Variants in TRIM13 observed in about 807,000 individuals in gnomAD.
TRIM13 encodes the protein E3 ubiquitin-protein ligase TRIM13.
A neutral mutation model predicts 27.1 loss-of-function variants in TRIM13; 15 were observed. The ratio of observed to expected loss-of-function variants is 0.55; its 90% confidence interval spans 0.37 to 0.85. The LOEUF is 0.85. TRIM13 is among the 40% of genes least tolerant of loss of function. The probability of loss-of-function intolerance (pLI) is 0.00; values close to 1 mark genes in which losing one functional copy is unlikely to be tolerated. For missense variants in TRIM13, 402 were observed against 472.2 expected, an observed-to-expected ratio of 0.85 and a Z score of 1.38; for synonymous variants, 193 against 171.5, an observed-to-expected ratio of 1.13 and a Z score of -0.98.
rs1481851477 is a variant in TRIM13, at chr13:50,012,764, G to C, written c.824G>C (p.Ser275Thr). 1 of 1,614,052 alleles carries C rather than the reference G, an allele frequency of 6.2e-7. No homozygotes were observed. Among genetic ancestry groups the C allele is most frequent in the South Asian group, 1.1e-5 (1 of 91,080 alleles). ...TPLPPSNLPA[S>T]PLMKNFDTSQ... ...TTACCTCCCTCTAATTTGCCTGCAA[G>C]CCCTTTAATGAAGAACTTTGATACC... Residue 275 changes from serine (S) to threonine (T), a missense_variant, in exon 2 of 2, where the codon AGC (serine) becomes ACC (threonine). Coordinates refer to ENST00000378182, the MANE Select transcript of TRIM13 (RefSeq NM_213590.3).
At chr13:50,008,852 C>CA (rs202100070) in intron 1 of TRIM13, among the ~76,000 whole-genome samples, 1,768 of 145,314 alleles carry the variant, frequency 0.012, 26 homozygotes, top group African/African-American at 0.042. Context: ...CTCATCTCTA[C>CA]AAAAAAAAAC....
chr13:50,004,038 T>C (rs938580721), intron 1 of TRIM13, among the ~76,000 whole-genome samples: 1 of 152,242 alleles, frequency 6.6e-6, no homozygotes, highest in South Asian at 2.1e-4. Flanking sequence ...TTCAGAAATA[T>C]TCAAAGGAAG....
At position 50,015,072 on chromosome 13, in the gene TRIM13, TAATA is replaced by T. The variant is rs1566446117; in HGVS notation, c.*1911_*1914del. The T allele has an allele frequency of 2.3e-5, 1 of 42,764 alleles. No individual in the cohort carries two copies. The highest frequency in any genetic ancestry group is 5.3e-5 in the Non-Finnish European group (1 of 19,024). The allele number at this position is 42,764 out of a possible 1,614,324, so 2.6% of individuals were successfully genotyped here. On this transcript the variant is annotated 3_prime_UTR_variant, in exon 2 of 2. Transcript: ENST00000378182. Reference sequence around the variant, plus strand: ...AGGGAGAATGCTTTTCCCCTCCCAGTAATAAAAAAAAAAAAAAAAAAAATATATA... The same window carrying T: ...AGGGAGAATGCTTTTCCCCTCCCAGTAAAAAAAAAAAAAAAAAAATATATA...
chr13:50,014,778 T>A lies in TRIM13; in HGVS notation c.*1614T>A, dbSNP rs1449742952. ...GAAAGCCCATTAAGTGGAATAGACTTTCTGAAAATAAGAGTTCTTTACCTC... is the reference window on the plus strand; with the variant it reads ...GAAAGCCCATTAAGTGGAATAGACTATCTGAAAATAAGAGTTCTTTACCTC... On this transcript the variant is annotated 3_prime_UTR_variant, in exon 2 of 2. Coordinates refer to ENST00000378182, the MANE Select transcript of TRIM13 (RefSeq NM_213590.3). 2 of 166,670 alleles carry A rather than the reference T, an allele frequency of 1.2e-5. No individual in the cohort carries two copies. Among genetic ancestry groups the A allele is most frequent in the Admixed American group, 1.3e-4 (2 of 15,222 alleles). The allele number at this position is 166,670 out of a possible 1,614,324, so 10.3% of individuals were successfully genotyped here. A position where few individuals can be genotyped will look rare whatever the true frequency, so the allele number is the denominator to read the frequency against.
intron 1 of TRIM13, among the ~76,000 whole-genome samples, chr13:50,007,876 A>G (rs1250376678): frequency 6.6e-6 from 1 of 150,856 alleles, no homozygotes; most frequent in Non-Finnish European, 1.5e-5. Flanking sequence ...CCAGTCATGT[A>G]TGGCTGTTGA....
rs1876017691 is a variant in TRIM13, at chr13:50,014,163, G to C, written c.*999G>C. On this transcript the variant is annotated 3_prime_UTR_variant, in exon 2 of 2. Coordinates refer to ENST00000378182, the MANE Select transcript of TRIM13 (RefSeq NM_213590.3). ...AAGTGGCTATGCAAGCAAAAGCATAGATAGGTTAAAAAAAAGGATCAGCTG... is the reference window on the plus strand; with the variant it reads ...AAGTGGCTATGCAAGCAAAAGCATACATAGGTTAAAAAAAAGGATCAGCTG... The C allele has an allele frequency of 6.1e-6, 1 of 164,814 alleles. No homozygotes were observed. Among genetic ancestry groups the C allele is most frequent in the Non-Finnish European group, 1.5e-5 (1 of 67,638 alleles). 10.2% of individuals were successfully genotyped at this position (164,814 alleles called of 1,614,324 possible). A position where few individuals can be genotyped will look rare whatever the true frequency, so the allele number is the denominator to read the frequency against.
At chr13:50,009,013 G>C (rs1875189565) in intron 1 of TRIM13, among the ~76,000 whole-genome samples, 1 of 93,762 alleles carries the variant, frequency 1.1e-5, no homozygotes, top group Non-Finnish European at 2.0e-5. Context: ...GGGTGAAAAA[G>C]CTGTCTCAAA....
At chr13:50,000,018 T>A (rs1447282826) in intron 1 of TRIM13, among the ~76,000 whole-genome samples, 2 of 152,200 alleles carry the variant, frequency 1.3e-5, no homozygotes, top group Non-Finnish European at 2.9e-5. Context: ...TTTAGATGAT[T>A]TCTAAGATGC....
In TRIM13 at chr13:50,018,027, G is replaced by A. The variant is rs922026789; in HGVS notation, c.*4863G>A. ...CTTGCATCTTTCAGATGCCATTCAT[G>A]TTATCAAGCTCAAATTATAGTTGGT... On this transcript the variant is annotated 3_prime_UTR_variant, in exon 2 of 2. Coordinates refer to ENST00000378182, the MANE Select transcript of TRIM13 (RefSeq NM_213590.3). 6.0e-6 allele frequency: 1 copy of A among 167,010 alleles called. No homozygotes were observed. The highest frequency in any genetic ancestry group is 2.4e-5 in the African/African-American group (1 of 41,442). The allele number at this position is 167,010 out of a possible 1,614,324, so 10.3% of individuals were successfully genotyped here. A position where few individuals can be genotyped will look rare whatever the true frequency, so the allele number is the denominator to read the frequency against.
chr13:50,007,787 A>ACC (rs1874987004), intron 1 of TRIM13, among the ~76,000 whole-genome samples: 2 of 150,544 alleles, frequency 1.3e-5, no homozygotes, highest in Non-Finnish European at 3.0e-5. Context: ...AGTCTCAAAA[A>ACC]AAAAAAAAAA....
At chr13:50,003,252 T>G (rs1792754385) in intron 1 of TRIM13, among the ~76,000 whole-genome samples, 1 of 152,228 alleles carries the variant, frequency 6.6e-6, no homozygotes, top group African/African-American at 2.4e-5. Context: ...GTTTTGAAAT[T>G]CTTGCCTTCA....
chr13:50,013,295 C>A lies in TRIM13; in HGVS notation c.*131C>A. ...GTATTCCTTCCAAAAATAATCTATA[C>A]ATGTTCAAATTAGGTAGCATAAAGA... On this transcript the variant is annotated 3_prime_UTR_variant, in exon 2 of 2. Transcript: ENST00000378182. 1.0e-6 allele frequency: 1 copy of A among 964,974 alleles called. No homozygotes were observed. Among genetic ancestry groups the A allele is most frequent in the Non-Finnish European group, 1.5e-6 (1 of 678,222 alleles). The allele number at this position is 964,974 out of a possible 1,614,324, so 59.8% of individuals were successfully genotyped here.
intron 1 of TRIM13, among the ~76,000 whole-genome samples, chr13:49,999,118 G>C (rs139390977): frequency 2.7e-5 from 1 of 36,450 alleles, no homozygotes; most frequent in African/African-American, 4.8e-5. Context: ...CGTCTGGGCC[G>C]CTCCCTTTTC....
Position 50,012,980 on chromosome 13 carries a change from G to C in TRIM13, c.1040G>C (p.Trp347Ser), listed in dbSNP as rs750191777. ...TCATTATTTGATGACCTGGCAACTT[G>C]GAAAGGCTGTCTTTCAAACTTCAGT... ...EWSLFDDLAT[W>S]KGCLSNFSSY... The change falls in exon 2 of 2, where the codon TGG becomes TCG. Residue 347 changes from tryptophan to serine, a missense_variant. Transcript: ENST00000378182. 35 of 1,613,586 alleles carry C rather than the reference G, an allele frequency of 2.2e-5. No homozygotes were observed. The highest frequency in any genetic ancestry group is 3.0e-5 in the Non-Finnish European group (35 of 1,179,868).
chr13:50,000,183 T>C (rs545442919), intron 1 of TRIM13, among the ~76,000 whole-genome samples: 18 of 152,336 alleles, frequency 1.2e-4, no homozygotes, highest in East Asian at 9.6e-4. Context: ...GTGTGTCTTA[T>C]TGTTTTTTAC....
Position 50,015,797 on chromosome 13 carries a change from C to G in TRIM13, c.*2633C>G. On this transcript the variant is annotated 3_prime_UTR_variant, in exon 2 of 2. Transcript: ENST00000378182. ...TCTAGTTGATCTCTTAAACCCATAC[C>G]TGCTACAGCCAAGACCTGCTCTTGT... 6.2e-7 allele frequency: 1 copy of G among 1,614,100 alleles called. No individual in the cohort carries two copies. Among genetic ancestry groups the G allele is most frequent in the Non-Finnish European group, 8.5e-7 (1 of 1,179,982 alleles).
chr13:50,009,809 C>CA (rs1459852789), intron 1 of TRIM13, among the ~76,000 whole-genome samples: 7 of 150,630 alleles, frequency 4.6e-5, no homozygotes. Context: ...CATGGTGGTG[C>CA]ACACCTGCAG....
At position 50,011,978 on chromosome 13, in the gene TRIM13, G is replaced by A. The variant is rs770123410; in HGVS notation, c.38G>A (p.Cys13Tyr). The change falls in exon 2 of 2, where the codon TGT (cysteine) becomes TAT (tyrosine). Residue 13 changes from cysteine (C) to tyrosine (Y), a missense_variant. This residue lies in a region of TRIM13 where 202 missense variants were observed against 277.5 expected (regional missense o/e 0.73). Coordinates refer to ENST00000378182, the MANE Select transcript of TRIM13 (RefSeq NM_213590.3). Reference protein sequence around the residue: ...LLEEDLTCPICCSLFDDPRVL... With the variant: ...LLEEDLTCPIYCSLFDDPRVL... ...GAAGAAGATCTCACATGCCCTATTTGTTGTAGTCTGTTTGATGATCCACGG... is the reference window on the plus strand; with the variant it reads ...GAAGAAGATCTCACATGCCCTATTTATTGTAGTCTGTTTGATGATCCACGG... The A allele has an allele frequency of 6.2e-7, 1 of 1,613,666 alleles. No homozygotes were observed. The highest frequency in any genetic ancestry group is 1.1e-5 in the South Asian group (1 of 91,058).
chr13:50,005,785 T>C (rs1288815287), intron 1 of TRIM13, among the ~76,000 whole-genome samples: 1 of 149,726 alleles, frequency 6.7e-6, no homozygotes, highest in Non-Finnish European at 1.5e-5. Flanking sequence ...TGTGCGATCA[T>C]GGCTCACGGC....
Sources: allele counts gnomAD v4.1 joint callset (sites outside exome capture counted in the v4.1 genomes callset), GRCh38; gene constraint gnomAD v4.1.1; regional missense constraint gnomAD v4.1.1; transcripts MANE v1.5; gene names NCBI Gene and HGNC (gene_info 2026-07-23, HGNC 2026-07-21).